The following GATAD2A variants were observed in gnomAD, a reference collection of about 807,000 sequenced individuals.
The protein encoded by GATAD2A is transcriptional repressor p66-alpha.
A neutral mutation model predicts 68.5 loss-of-function variants in GATAD2A; 12 were observed. That is an observed-to-expected ratio of 0.18 (90% CI 0.11 to 0.28). The LOEUF is 0.28. GATAD2A is among the 10% of genes least tolerant of loss of function. The pLI is 1.00. For missense variants in GATAD2A, 755 were observed against 868.5 expected (o/e 0.87, Z 1.64); for synonymous variants, 410 against 375.3 (o/e 1.09, Z -1.07).
At chr19:19,417,519 G>T (rs557302759) in intron 1 of GATAD2A, among the ~76,000 whole-genome samples, 10 of 152,242 alleles carry the variant, frequency 6.6e-5, no homozygotes, top group Non-Finnish European at 1.5e-4. Flanking sequence ...GTTGGGTGCG[G>T]GGGGTGGAGT....
intron 7 of GATAD2A, among the ~76,000 whole-genome samples, chr19:19,497,520 G>T (rs1423167091): frequency 1.3e-5 from 2 of 152,198 alleles, no homozygotes; most frequent in African/African-American, 4.8e-5. Context: ...GGGGAAGGAG[G>T]AGGGGAACTG....
At chr19:19,471,649 A>G (rs1003943647) in intron 2 of GATAD2A, among the ~76,000 whole-genome samples, 5 of 152,240 alleles carry the variant, frequency 3.3e-5, no homozygotes, top group Non-Finnish European at 7.3e-5. Context: ...ACGGTGGCTG[A>G]ATTTTGCGGT....
At chr19:19,402,723 T>TA (rs1441914957), upstream of GATAD2A, 1 of 149,348 alleles carries the variant, frequency 6.7e-6, no homozygotes, top group Admixed American at 6.7e-5. Context: ...AGTACAGTAT[T>TA]AATTAACAAC....
chr19:19,426,058 G>A (rs777352939), intron 1 of GATAD2A, among the ~76,000 whole-genome samples: 36 of 152,148 alleles, frequency 2.4e-4, no homozygotes, highest in Non-Finnish European at 4.4e-4. Flanking sequence ...AAAGTGCTGG[G>A]ATTACAGGCA....
intron 1 of GATAD2A, among the ~76,000 whole-genome samples, chr19:19,454,735 C>CCCG (rs532439953): frequency 1.5e-5 from 2 of 130,952 alleles, no homozygotes; most frequent in African/African-American, 2.7e-5. Context: ...TGTGCCCCCC[C>CCCG]CCACCCCCTT....
At chr19:19,408,106 TCTC>T (rs1028560226) in intron 1 of GATAD2A, among the ~76,000 whole-genome samples, 100 of 152,268 alleles carry the variant, frequency 6.6e-4, no homozygotes, top group African/African-American at 2.3e-3. Flanking sequence ...TTCAAGCAAT[TCTC>T]CTGCCTCAGC....
At chr19:19,420,662 C>T (rs558243701) in intron 1 of GATAD2A, among the ~76,000 whole-genome samples, 2 of 151,964 alleles carry the variant, frequency 1.3e-5, no homozygotes, top group South Asian at 2.1e-4. Flanking sequence ...TTTTTAACCT[C>T]GGTTTTCTCT....
chr19:19,496,625 T>A (rs2060169223), intron 7 of GATAD2A, among the ~76,000 whole-genome samples: 1 of 152,206 alleles, frequency 6.6e-6, no homozygotes, highest in Non-Finnish European at 1.5e-5. Context: ...CATGCCGCCC[T>A]CCCGGCAGTG....
rs552107385 is a variant in GATAD2A at position 19,491,864 on chromosome 19, C to T, written c.270-442C>T. ...GGGTTTCCACCATGGCCAGGGGCTGCGGGCTGGTGGCGAGGCACACACATG... is the reference window on the plus strand; with the variant it reads ...GGGTTTCCACCATGGCCAGGGGCTGTGGGCTGGTGGCGAGGCACACACATG... On this transcript the variant is annotated intron_variant, in intron 2 of 11. Transcript: ENST00000683918. Among the ~76,000 whole-genome samples the T allele has an allele frequency of 6.6e-4, 100 of 152,314 alleles. 1 individual carries two copies. Among genetic ancestry groups the T allele is most frequent in the African/African-American group, 2.4e-3 (100 of 41,576 alleles).
chr19:19,469,714 A>G (rs1219621761), intron 2 of GATAD2A, among the ~76,000 whole-genome samples: 5 of 152,220 alleles, frequency 3.3e-5, no homozygotes, highest in African/African-American at 9.6e-5. Context: ...TGGGAGGCCA[A>G]AGTGGGCGGA....
In GATAD2A at chr19:19,502,244, G is replaced by T. The variant is rs1244626974; in HGVS notation, c.1579-87G>T. On this transcript the variant is annotated intron_variant, in intron 10 of 11. Coordinates refer to ENST00000683918, the MANE Select transcript of GATAD2A (RefSeq NM_001384528.1). ...ACCCCATGTGGGTGGGAAGAGGTCAGCCAGAGCAAGGAGAGGCTGCGCTGA... is the reference window on the plus strand; with the variant it reads ...ACCCCATGTGGGTGGGAAGAGGTCATCCAGAGCAAGGAGAGGCTGCGCTGA... 30 of 1,142,390 alleles carry T rather than the reference G, an allele frequency of 2.6e-5. 1 individual carries two copies. The South Asian group carries it at 4.3e-4, about 16-fold the overall frequency. 70.8% of individuals were successfully genotyped at this position (1,142,390 alleles called of 1,614,324 possible).
At chr19:19,402,624 G>A (rs1310883245), upstream of GATAD2A, 1 of 149,564 alleles carries the variant, frequency 6.7e-6, no homozygotes, top group Non-Finnish European at 1.5e-5. Flanking sequence ...GGGAGGTGGA[G>A]GTTGCAGTGA....
intron 1 of GATAD2A, among the ~76,000 whole-genome samples, chr19:19,427,090 ATTC>A (rs1028039798): frequency 6.6e-6 from 1 of 151,706 alleles, no homozygotes; most frequent in African/African-American, 2.4e-5. Context: ...AGACTCTCAA[ATTC>A]TTAAAGACAG....
intron 1 of GATAD2A, among the ~76,000 whole-genome samples, chr19:19,430,866 CCAAA>C (rs2053642874): frequency 1.3e-5 from 2 of 152,094 alleles, no homozygotes; most frequent in South Asian, 4.1e-4. Context: ...CTTCTGTTGC[CCAAA>C]GTGCAGTGAC....
intron 2 of GATAD2A, among the ~76,000 whole-genome samples, chr19:19,489,581 A>G (rs1429650381): frequency 6.6e-6 from 1 of 152,240 alleles, no homozygotes; most frequent in East Asian, 1.9e-4. Flanking sequence ...AGATGGGGCC[A>G]GGGAGCGCTG....
rs368587567 is a variant in GATAD2A, at chr19:19,440,986, TTTCCTTCCCTTCCTTCCC to T, written c.-6-24319_-6-24302del. On this transcript the variant is annotated intron_variant, in intron 1 of 11. Coordinates refer to ENST00000683918, the MANE Select transcript of GATAD2A (RefSeq NM_001384528.1). ...CCTTCCCTTTCCTTCCTTTCCTTCCTTTCCTTCCCTTCCTTCCCTTCCTTCCCTTCCTTCCCTTCCTTC... is the reference window on the plus strand; with the variant it reads ...CCTTCCCTTTCCTTCCTTTCCTTCCTTTCCTTCCCTTCCTTCCCTTCCTTC... 3.2e-3 allele frequency among the ~76,000 whole-genome samples: 239 copies of T among 73,816 alleles called. 2 individuals carry two copies. The highest frequency in any genetic ancestry group is 8.8e-3 in the Admixed American group (58 of 6,584). 48.4% of individuals were successfully genotyped at this position (73,816 alleles called of 152,430 possible).
At chr19:19,474,451 C>A (rs966587236) in intron 2 of GATAD2A, among the ~76,000 whole-genome samples, 6 of 152,200 alleles carry the variant, frequency 3.9e-5, no homozygotes, top group African/African-American at 1.4e-4. Context: ...ACTGGTCTTG[C>A]CTCTTTTCCG....
At chr19:19,473,251 A>G (rs1270081589) in intron 2 of GATAD2A, among the ~76,000 whole-genome samples, 1 of 152,072 alleles carries the variant, frequency 6.6e-6, no homozygotes, top group Non-Finnish European at 1.5e-5. Context: ...GGCCTGCCCC[A>G]TGGTCTGGAC....
At chr19:19,484,914 A>G (rs1405847883) in intron 2 of GATAD2A, among the ~76,000 whole-genome samples, 1 of 151,600 alleles carries the variant, frequency 6.6e-6, no homozygotes, top group Admixed American at 6.6e-5. Flanking sequence ...TTCTGGCTTG[A>G]CTCACTTCAC....
Sources: allele counts gnomAD v4.1 joint callset (sites outside exome capture counted in the v4.1 genomes callset), GRCh38; gene constraint gnomAD v4.1.1; transcripts MANE v1.5; gene names NCBI Gene and HGNC (gene_info 2026-07-23, HGNC 2026-07-21).